GPC5: variants seen among roughly 807,000 people sequenced by gnomAD.
GPC5 encodes glypican-5.
Under a neutral mutation model 53.9 loss-of-function variants are expected in GPC5, and 47 were observed. The observed-to-expected ratio is 0.87, with a 90% CI of 0.69 to 1.11. The LOEUF (loss-of-function observed/expected upper bound fraction) is 1.11, where lower values mean the gene tolerates loss of function less well. Among genes scored for constraint, GPC5 ranks in the 50% most tolerant of loss-of-function variants. The pLI is 0.00. For synonymous variants in GPC5, 286 were observed against 263.3 expected (o/e 1.09, Z -0.84); for missense variants, 748 against 713.1 (o/e 1.05, Z -0.56).
chr13:92,214,395 A>G (rs1283411286), intron 7 of GPC5, among the ~76,000 whole-genome samples: 1 of 152,180 alleles, frequency 6.6e-6, no homozygotes, highest in Non-Finnish European at 1.5e-5. Context: ...TCCACCTAAG[A>G]GCCTTATTTT....
chr13:92,594,255 A>C (rs1346286536), intron 7 of GPC5, among the ~76,000 whole-genome samples: 4 of 152,172 alleles, frequency 2.6e-5, no homozygotes, highest in African/African-American at 9.7e-5. Context: ...TAGCTACCAG[A>C]TACCACACTT....
chr13:92,703,100 T>TA (rs1395055099), intron 7 of GPC5, among the ~76,000 whole-genome samples: 2 of 151,116 alleles, frequency 1.3e-5, no homozygotes, highest in Non-Finnish European at 2.9e-5. Context: ...TAGTAGCACT[T>TA]ACCACCTTCG....
chr13:91,949,303 G>T (rs2040004551), intron 6 of GPC5, among the ~76,000 whole-genome samples: 1 of 152,094 alleles, frequency 6.6e-6, no homozygotes, highest in Non-Finnish European at 1.5e-5. Context: ...TAGGGGTTTT[G>T]CTTATGTATG....
At chr13:91,978,428 G>A (rs993402161) in intron 6 of GPC5, among the ~76,000 whole-genome samples, 2 of 152,144 alleles carry the variant, frequency 1.3e-5, no homozygotes, top group African/African-American at 4.8e-5. Context: ...CCAACCACTG[G>A]CGACAAATAT....
chr13:92,857,184 C>G (rs992001362), intron 7 of GPC5, among the ~76,000 whole-genome samples: 3 of 152,046 alleles, frequency 2.0e-5, no homozygotes, highest in African/African-American at 7.2e-5. Flanking sequence ...AAGAACTGAT[C>G]TTTGACAAAG....
In GPC5 at chr13:91,409,107, T is replaced by TC. The variant is rs1384031865; in HGVS notation, c.163+9899dup. On this transcript the variant is annotated intron_variant, in intron 1 of 7. Coordinates refer to ENST00000377067, the MANE Select transcript of GPC5 (RefSeq NM_004466.6). The stretch of plus-strand genomic sequence containing the variant: ...CAGATTTATTTGCTCTTTGAATAAC[T>TC]CTCTTATTCGGTAAGGTTATACCGA... 7.9e-5 allele frequency among the ~76,000 whole-genome samples: 12 copies of TC among 152,320 alleles called. No individual in the cohort carries two copies. The South Asian group carries it at 2.1e-3, about 26-fold the overall frequency.
In GPC5 at chr13:92,161,956, C is replaced by CATATATATAT. The variant is rs55867004; in HGVS notation, c.1561+16998_1561+17007dup. On this transcript the variant is annotated intron_variant, in intron 7 of 7. Transcript: ENST00000377067. ...ATTTGCCTATTAAGTAATATATAGC[C>CATATATATAT]ATATATATATATATATATATATATA... 5.5e-3 allele frequency among the ~76,000 whole-genome samples: 531 copies of CATATATATAT among 95,960 alleles called. 29 individuals are homozygous for CATATATATAT. Among genetic ancestry groups the CATATATATAT allele is most frequent in the Non-Finnish European group, 8.2e-3 (384 of 46,986 alleles). The allele number at this position is 95,960 out of a possible 152,430, so 63.0% of individuals were successfully genotyped here.
At position 92,848,020 on chromosome 13, in the gene GPC5, G is replaced by A. The variant is rs148193061; in HGVS notation, c.1562-18262G>A. Reference sequence around the variant, plus strand: ...AGTTTGGGCAGTGAGTCCCGAAGGCGACTCCTGAGGACGCCCTGCCGTAGA... The same window carrying A: ...AGTTTGGGCAGTGAGTCCCGAAGGCAACTCCTGAGGACGCCCTGCCGTAGA... On this transcript the variant is annotated intron_variant, in intron 7 of 7. Transcript: ENST00000377067. Among the ~76,000 whole-genome samples, 718 of 152,214 alleles carry A rather than the reference G, an allele frequency of 4.7e-3. 4 individuals carry two copies. The highest frequency in any genetic ancestry group is 0.016 in the African/African-American group (674 of 41,540).
chr13:92,374,083 A>G (rs932823581), intron 7 of GPC5, among the ~76,000 whole-genome samples: 1 of 152,172 alleles, frequency 6.6e-6, no homozygotes, highest in Non-Finnish European at 1.5e-5. Flanking sequence ...TTATTTTATT[A>G]ACTCTCCATA....
In GPC5 at chr13:92,068,672, T is replaced by A. The variant is rs566508085; in HGVS notation, c.1402-76158T>A. On this transcript the variant is annotated intron_variant, in intron 6 of 7. Transcript: ENST00000377067. ...TATTCCTAGTTTGCATATTAAAAAA[T>A]ATTTTCTGTATCCATTGAGATAAGA... 2.0e-3 allele frequency among the ~76,000 whole-genome samples: 310 copies of A among 151,698 alleles called. 2 individuals carry two copies. The highest frequency in any genetic ancestry group is 7.0e-3 in the African/African-American group (292 of 41,518).
chr13:91,770,070 G>T (rs778709839), intron 5 of GPC5, among the ~76,000 whole-genome samples: 9 of 152,054 alleles, frequency 5.9e-5, no homozygotes, highest in Non-Finnish European at 1.2e-4. Context: ...TCCCTTCTTG[G>T]GTTTTATCAT....
chr13:91,604,000 G>A (rs1176870821), intron 2 of GPC5, among the ~76,000 whole-genome samples: 1 of 143,638 alleles, frequency 7.0e-6, no homozygotes, highest in Non-Finnish European at 1.5e-5. Context: ...TGTGCACATT[G>A]TGCAGGTTAG....
At chr13:92,226,575 TGA>T (rs945355906) in intron 7 of GPC5, among the ~76,000 whole-genome samples, 5 of 151,926 alleles carry the variant, frequency 3.3e-5, no homozygotes, top group African/African-American at 1.2e-4. Flanking sequence ...ACAGAGCATA[TGA>T]GAGACTCAGA....
chr13:91,487,936 T>TA (rs933535305), intron 2 of GPC5, among the ~76,000 whole-genome samples: 1 of 151,790 alleles, frequency 6.6e-6, no homozygotes, highest in Admixed American at 6.6e-5. Context: ...CAGGTTTTTT[T>TA]TTTTTTTACG....
chr13:92,282,973 A>T (rs1338038638), intron 7 of GPC5, among the ~76,000 whole-genome samples: 1 of 152,222 alleles, frequency 6.6e-6, no homozygotes, highest in Non-Finnish European at 1.5e-5. Flanking sequence ...GTCAAGACCC[A>T]TCAGTGTGCT....
At chr13:92,354,389 T>C (rs2043505241) in intron 7 of GPC5, among the ~76,000 whole-genome samples, 1 of 152,240 alleles carries the variant, frequency 6.6e-6, no homozygotes, top group South Asian at 2.1e-4. Context: ...TTTTCCCATG[T>C]TATCAGTTAC....
At chr13:92,172,685 T>G (rs886489224) in intron 7 of GPC5, among the ~76,000 whole-genome samples, 5 of 152,208 alleles carry the variant, frequency 3.3e-5, no homozygotes, top group Non-Finnish European at 7.3e-5. Context: ...AAGAGCCATT[T>G]ATAAAAGGAG....
chr13:91,719,283 GCAA>G, intron 3 of GPC5, among the ~76,000 whole-genome samples: 1 of 152,216 alleles, frequency 6.6e-6, no homozygotes, highest in East Asian at 1.9e-4. Context: ...CCACAGATGT[GCAA>G]GCTGCCATGA....
In GPC5 at chr13:92,520,395, A is replaced by C. The variant is rs188849026; in HGVS notation, c.1562-345887A>C. ...AAAATCCTCAATAAGATACTGGCAA[A>C]CTGAATCCAGAAGCACATCAAAAAA... On this transcript the variant is annotated intron_variant, in intron 7 of 7. Coordinates refer to ENST00000377067, the MANE Select transcript of GPC5 (RefSeq NM_004466.6). 2.4e-3 allele frequency among the ~76,000 whole-genome samples: 371 copies of C among 152,308 alleles called. 1 individual carries two copies. Among genetic ancestry groups the C allele is most frequent in the African/African-American group, 8.8e-3 (366 of 41,564 alleles).
Sources: gnomAD v4.1 joint callset for allele counts (sites outside exome capture counted in the v4.1 genomes callset) on GRCh38, gnomAD v4.1.1 for gene constraint, MANE v1.5 for transcripts, NCBI Gene and HGNC (gene_info 2026-07-23, HGNC 2026-07-21) for gene names.